LUZP2: variants seen among roughly 807,000 people sequenced by gnomAD.
LUZP2 encodes the protein leucine zipper protein 2.
A neutral mutation model predicts 51.6 loss-of-function variants in LUZP2; 52 were observed. The ratio of observed to expected loss-of-function variants is 1.01; its 90% CI spans 0.81 to 1.27. The LOEUF is 1.27. Ranked by LOEUF, LUZP2 falls within the 50% of genes most tolerant of loss-of-function variation. The probability of loss-of-function intolerance (pLI) is 0.00; values close to 1 mark genes in which losing one functional copy is unlikely to be tolerated. For missense variants in LUZP2, 436 were observed against 395.4 expected (o/e 1.10, Z -0.87); for synonymous variants, 154 against 137.3 (o/e 1.12, Z -0.85).
At chr11:24,924,743 C>A (rs374238230) in intron 7 of LUZP2, among the ~76,000 whole-genome samples, 10 of 152,172 alleles carry the variant, frequency 6.6e-5, no homozygotes, top group African/African-American at 2.2e-4. Context: ...TGGTTCAGTT[C>A]AGAAAGGTGG....
intron 5 of LUZP2, among the ~76,000 whole-genome samples, chr11:24,863,941 AATT>A (rs1198806409): frequency 4.6e-5 from 7 of 152,186 alleles, no homozygotes; most frequent in African/African-American, 1.7e-4. Flanking sequence ...AACAAATTGT[AATT>A]ATAACAGGAT....
intron 5 of LUZP2, among the ~76,000 whole-genome samples, chr11:24,836,223 A>G (rs1481751614): frequency 1.3e-5 from 2 of 151,972 alleles, no homozygotes; most frequent in African/African-American, 2.4e-5. Context: ...AAAAATTCAT[A>G]CATAAAAAAT....
chr11:24,537,417 T>A (rs975980), intron 1 of LUZP2, among the ~76,000 whole-genome samples: 60,294 of 151,760 alleles, frequency 0.4, 12,284 homozygotes, highest in Middle Eastern at 0.5. Context: ...AGCCTACTGA[T>A]CTAAATACAA....
intron 9 of LUZP2, among the ~76,000 whole-genome samples, chr11:25,031,546 ATTG>A (rs1857686717): frequency 6.6e-6 from 1 of 151,886 alleles, no homozygotes; most frequent in Admixed American, 6.6e-5. Context: ...TGTGTATTAT[ATTG>A]TTTTCAAATT....
chr11:24,635,648 A>G (rs1273902170), intron 1 of LUZP2, among the ~76,000 whole-genome samples: 1 of 152,160 alleles, frequency 6.6e-6, no homozygotes, highest in Non-Finnish European at 1.5e-5. Flanking sequence ...ACTGTCTTCT[A>G]TAAAACAACT....
chr11:25,037,875 C>G (rs757957141), intron 9 of LUZP2, among the ~76,000 whole-genome samples: 6 of 151,986 alleles, frequency 3.9e-5, no homozygotes, highest in Non-Finnish European at 7.4e-5. Context: ...CCCCTTCTCT[C>G]TAGCTGCCTT....
intron 1 of LUZP2, among the ~76,000 whole-genome samples, chr11:24,670,822 A>G (rs1202059107): frequency 1.3e-5 from 2 of 152,070 alleles, no homozygotes; most frequent in East Asian, 3.9e-4. Flanking sequence ...TCTCAAAAAG[A>G]CAAACCTTTT....
At chr11:24,930,942 A>G (rs919518013) in intron 7 of LUZP2, among the ~76,000 whole-genome samples, 1 of 152,242 alleles carries the variant, frequency 6.6e-6, no homozygotes, top group Middle Eastern at 3.4e-3. Flanking sequence ...GGCTGGGCAC[A>G]GTGGCTCACG....
At chr11:25,056,721 TCCGTTGGTCAGGTAAAGAG>T (rs1858693033) in intron 10 of LUZP2, among the ~76,000 whole-genome samples, 1 of 152,152 alleles carries the variant, frequency 6.6e-6, no homozygotes, top group Non-Finnish European at 1.5e-5. Flanking sequence ...GTATTATTAA[TCCGTTGGTCAGGTAAAGAG>T]CCCAGGAATG....
intron 1 of LUZP2, among the ~76,000 whole-genome samples, chr11:24,645,176 A>G (rs1031250333): frequency 1.3e-5 from 2 of 152,142 alleles, no homozygotes; most frequent in African/African-American, 4.8e-5. Flanking sequence ...TGCAAATTTG[A>G]GAAAGAAAGG....
chr11:24,554,701 A>ATTTTTTTT (rs397747044), intron 1 of LUZP2, among the ~76,000 whole-genome samples: 2,094 of 133,452 alleles, frequency 0.016, 84 homozygotes, highest in South Asian at 0.043. Flanking sequence ...TGGTTATTTA[A>ATTTTTTTT]TTTTTTTTTT....
intron 7 of LUZP2, among the ~76,000 whole-genome samples, chr11:24,971,456 T>C (rs953389894): frequency 6.6e-6 from 1 of 152,022 alleles, no homozygotes; most frequent in Non-Finnish European, 1.5e-5. Context: ...AGTACCAGTC[T>C]GTGGCATAGG....
At chr11:24,715,306 T>TGTGTGTGC (rs1491411648) in intron 1 of LUZP2, among the ~76,000 whole-genome samples, 6 of 68,938 alleles carry the variant, frequency 8.7e-5, no homozygotes, top group African/African-American at 2.6e-4. Context: ...TGTGTGTGTG[T>TGTGTGTGC]GCATGCGTAT....
chr11:24,855,755 G>T (rs747505262), intron 5 of LUZP2, among the ~76,000 whole-genome samples: 11 of 152,122 alleles, frequency 7.2e-5, no homozygotes, highest in Non-Finnish European at 1.3e-4. Context: ...CATGGTACTG[G>T]TGTAAAAATA....
rs16912732 is a variant in LUZP2 at position 24,531,824 on chromosome 11, G to A, written c.62+34519G>A. Among the ~76,000 whole-genome samples, 1,207 of 150,908 alleles carry A rather than the reference G, an allele frequency of 8.0e-3. 21 individuals carry two copies. The highest frequency in any genetic ancestry group is 0.027 in the African/African-American group (1,108 of 41,394). ...AAATTATAGTGACATATACACATTA[G>A]CTTAAGACAAAAACTTAGAAGTCGT... On this transcript the variant is annotated intron_variant, in intron 1 of 11. Transcript: ENST00000336930.
intron 9 of LUZP2, among the ~76,000 whole-genome samples, chr11:25,025,449 G>A (rs1857462847): frequency 6.6e-6 from 1 of 152,016 alleles, no homozygotes; most frequent in East Asian, 1.9e-4. Context: ...AAATTTACAA[G>A]AAAAAATCAA....
intron 10 of LUZP2, among the ~76,000 whole-genome samples, chr11:25,069,884 G>T (rs1859105957): frequency 6.6e-6 from 1 of 151,610 alleles, no homozygotes; most frequent in African/African-American, 2.4e-5. Context: ...CATCAAGGAT[G>T]TTTCTTGACA....
At chr11:24,919,703 A>G in intron 7 of LUZP2, among the ~76,000 whole-genome samples, 1 of 149,922 alleles carries the variant, frequency 6.7e-6, no homozygotes, top group South Asian at 2.1e-4. Flanking sequence ...TTATGATGAA[A>G]AATCCTTTCT....
intron 5 of LUZP2, among the ~76,000 whole-genome samples, chr11:24,839,257 A>C (rs962457770): frequency 1.3e-5 from 2 of 151,660 alleles, no homozygotes; most frequent in African/African-American, 4.8e-5. Context: ...TACCCATGGA[A>C]AACTCTCCTT....
Sources: allele counts gnomAD v4.1 joint callset (sites outside exome capture counted in the v4.1 genomes callset), GRCh38; gene constraint gnomAD v4.1.1; transcripts MANE v1.5; gene names NCBI Gene and HGNC (gene_info 2026-07-23, HGNC 2026-07-21).